The following MIPOL1 variants were observed in gnomAD, a reference collection of about 807,000 sequenced individuals.
The protein encoded by MIPOL1 is mirror-image polydactyly 1.
MIPOL1 carries 57 observed loss-of-function variants against 60.9 expected under a neutral mutation model. The observed-to-expected ratio is 0.94, with a 90% CI of 0.76 to 1.17. MIPOL1 has a LOEUF of 1.17. Among genes scored for constraint, MIPOL1 ranks in the 50% most tolerant of loss-of-function variants. The probability of loss-of-function intolerance (pLI) is 0.00; values close to 1 mark genes in which losing one functional copy is unlikely to be tolerated. For missense variants in MIPOL1, 551 were observed against 511.6 expected (o/e 1.08, Z -0.74); for synonymous variants, 179 against 168.8 (o/e 1.06, Z -0.47).
At chr14:37,211,899 A>G (rs564153353) in intron 1 of MIPOL1, among the ~76,000 whole-genome samples, 1 of 152,060 alleles carries the variant, frequency 6.6e-6, no homozygotes, top group African/African-American at 2.4e-5. Flanking sequence ...AGAATAGGGC[A>G]CCAGTCAGAG....
intron 10 of MIPOL1, among the ~76,000 whole-genome samples, chr14:37,409,020 T>G (rs2093638067): frequency 6.6e-6 from 1 of 152,140 alleles, no homozygotes; most frequent in Non-Finnish European, 1.5e-5. Context: ...TTCATTTTGG[T>G]CCCAATCCTT....
chr14:37,509,960 C>A (rs1439164150), intron 12 of MIPOL1, among the ~76,000 whole-genome samples: 1 of 150,458 alleles, frequency 6.6e-6, no homozygotes, highest in Non-Finnish European at 1.5e-5. Context: ...AACCTGAAAA[C>A]TATATATATA....
intron 9 of MIPOL1, among the ~76,000 whole-genome samples, chr14:37,350,301 C>A (rs981935288): frequency 1.3e-5 from 2 of 152,158 alleles, no homozygotes; most frequent in African/African-American, 4.8e-5. Context: ...TGGTCTTGCA[C>A]TCCTGGCCTC....
intron 9 of MIPOL1, among the ~76,000 whole-genome samples, chr14:37,333,716 C>G (rs764991454): frequency 2.0e-5 from 3 of 151,956 alleles, no homozygotes; most frequent in Non-Finnish European, 4.4e-5. Flanking sequence ...AGCAGATCAT[C>G]AAAGTACAAG....
intron 11 of MIPOL1, among the ~76,000 whole-genome samples, chr14:37,442,240 G>A (rs936682694): frequency 3.3e-5 from 5 of 152,014 alleles, no homozygotes; most frequent in African/African-American, 1.2e-4. Context: ...ACACTTTAGC[G>A]AAGTTGTTTA....
chr14:37,282,691 G>T (rs1419414320), intron 6 of MIPOL1, among the ~76,000 whole-genome samples: 2 of 126,446 alleles, frequency 1.6e-5, no homozygotes, highest in Non-Finnish European at 3.1e-5. Flanking sequence ...AGAGGCTGCA[G>T]TAAGGTGTAA....
In MIPOL1 at chr14:37,209,705, C is replaced by T. The variant is rs886644303; in HGVS notation, c.-199+11601C>T. 1.1e-4 allele frequency among the ~76,000 whole-genome samples: 16 copies of T among 151,884 alleles called. 1 individual carries two copies. The highest frequency in any genetic ancestry group is 4.2e-4 in the South Asian group (2 of 4,818). ...TTAGATAATATATACACATGGTTTTCGTTTATTTGCTTATTTGAGACAGAG... is the reference window on the plus strand; with the variant it reads ...TTAGATAATATATACACATGGTTTTTGTTTATTTGCTTATTTGAGACAGAG... On this transcript the variant is annotated intron_variant, in intron 1 of 12. Coordinates refer to ENST00000684589, the MANE Select transcript of MIPOL1 (RefSeq NM_001388067.1).
At chr14:37,355,525 C>A (rs935806209) in intron 9 of MIPOL1, among the ~76,000 whole-genome samples, 1 of 151,376 alleles carries the variant, frequency 6.6e-6, no homozygotes, top group Non-Finnish European at 1.5e-5. Flanking sequence ...TCCATTCTCC[C>A]TGTCACTTTC....
At chr14:37,386,436 A>T (rs992265723) in intron 10 of MIPOL1, among the ~76,000 whole-genome samples, 2 of 152,026 alleles carry the variant, frequency 1.3e-5, no homozygotes. Context: ...AAGAGGAATA[A>T]TTCTGTCTTT....
chr14:37,345,810 A>T (rs1337393662), intron 9 of MIPOL1, among the ~76,000 whole-genome samples: 1 of 152,176 alleles, frequency 6.6e-6, no homozygotes, highest in African/African-American at 2.4e-5. Flanking sequence ...AATAAAACTT[A>T]TGTGTGTTCA....
rs924649632 is a variant in MIPOL1 at position 37,397,736 on chromosome 14, C to T, written c.937-25119C>T. On this transcript the variant is annotated intron_variant, in intron 10 of 12. Transcript: ENST00000684589. ...ATGGCTGCCTCTGCTGAGTCATGCACGTTGTCAGGAAAGTGGGGAAAGCTG... is the reference window on the plus strand; with the variant it reads ...ATGGCTGCCTCTGCTGAGTCATGCATGTTGTCAGGAAAGTGGGGAAAGCTG... Among the ~76,000 whole-genome samples, 5 of 152,160 alleles carry T rather than the reference C, an allele frequency of 3.3e-5. No homozygotes were observed. The East Asian group carries it at 5.8e-4, about 18-fold the overall frequency.
At chr14:37,468,165 CGT>C (rs111522743) in intron 11 of MIPOL1, among the ~76,000 whole-genome samples, 4,166 of 148,442 alleles carry the variant, frequency 0.028, 86 homozygotes, top group Non-Finnish European at 0.039. Context: ...TTTACATATA[CGT>C]GTGTGTGTGT....
chr14:37,499,004 T>A (rs1369089323), intron 11 of MIPOL1, among the ~76,000 whole-genome samples: 4 of 152,192 alleles, frequency 2.6e-5, no homozygotes, highest in African/African-American at 9.6e-5. Flanking sequence ...TAAGTTGTTT[T>A]ACTTCAAATG....
intron 11 of MIPOL1, among the ~76,000 whole-genome samples, chr14:37,431,569 C>CTTTTTTTTTTTTTTTTTTT (rs869258490): frequency 1.5e-5 from 1 of 64,832 alleles, no homozygotes; most frequent in Non-Finnish European, 2.6e-5. Flanking sequence ...ATCTCTGTTT[C>CTTTTTTTTTTTTTTTTTTT]TTTTTTTTTT....
At chr14:37,237,311 A>G (rs1453873453) in intron 1 of MIPOL1, among the ~76,000 whole-genome samples, 1 of 152,106 alleles carries the variant, frequency 6.6e-6, no homozygotes, top group Non-Finnish European at 1.5e-5. Context: ...CCCTCTAGTT[A>G]GAGGGAGGGA....
At chr14:37,447,405 A>G (rs2094354251) in intron 11 of MIPOL1, among the ~76,000 whole-genome samples, 1 of 152,100 alleles carries the variant, frequency 6.6e-6, no homozygotes, top group Non-Finnish European at 1.5e-5. Context: ...TTCTGAATCT[A>G]ATTTCAGTGA....
chr14:37,225,696 C>T (rs1237611986), intron 1 of MIPOL1, among the ~76,000 whole-genome samples: 2 of 152,126 alleles, frequency 1.3e-5, no homozygotes, highest in African/African-American at 4.8e-5. Context: ...GACATTTTCC[C>T]CATTGTCTTG....
intron 11 of MIPOL1, among the ~76,000 whole-genome samples, chr14:37,425,506 G>A (rs1480551638): frequency 2.0e-5 from 3 of 152,050 alleles, no homozygotes; most frequent in African/African-American, 7.2e-5. Flanking sequence ...TTATGGTGAT[G>A]TAATAAAGCC....
chr14:37,500,919 A>C (rs945479438), intron 12 of MIPOL1, among the ~76,000 whole-genome samples: 41 of 152,286 alleles, frequency 2.7e-4, no homozygotes, highest in African/African-American at 8.7e-4. Flanking sequence ...AGTCACCTTC[A>C]ATTTCAAAGA....
Sources: allele counts gnomAD v4.1 joint callset (sites outside exome capture counted in the v4.1 genomes callset), GRCh38; gene constraint gnomAD v4.1.1; transcripts MANE v1.5; gene names NCBI Gene and HGNC (gene_info 2026-07-23, HGNC 2026-07-21).